CARMIL1: variants seen among roughly 807,000 people sequenced by gnomAD.
The protein encoded by CARMIL1 is capping protein regulator and myosin 1 linker 1, also known as F-actin-uncapping protein LRRC16A.
A neutral mutation model predicts 177.1 loss-of-function variants in CARMIL1; 90 were observed. The observed-to-expected ratio is 0.51, with a 90% CI of 0.43 to 0.61. The LOEUF (loss-of-function observed/expected upper bound fraction) is 0.61. CARMIL1 is among the 20% of genes least tolerant of loss of function. CARMIL1 has a pLI of 0.00. For synonymous variants in CARMIL1, 577 were observed against 606.2 expected (o/e 0.95, Z 0.71); for missense variants, 1,380 against 1,667.0 (o/e 0.83, Z 3.00).
chr6:25,603,708 C>T (rs1343022770), intron 33 of CARMIL1, among the ~76,000 whole-genome samples: 1 of 152,170 alleles, frequency 6.6e-6, no homozygotes, highest in African/African-American at 2.4e-5. Flanking sequence ...GCTTGTTAGA[C>T]AGGCAGTAGA....
At position 25,581,435 on chromosome 6, in the gene CARMIL1, C is replaced by T; in HGVS notation, c.3002C>T (p.Ala1001Val). 6.2e-7 allele frequency: 1 copy of T among 1,609,258 alleles called. No homozygotes were observed. The highest frequency in any genetic ancestry group is 8.5e-7 in the Non-Finnish European group (1 of 1,177,474). Residue 1001 changes from alanine to valine, a missense_variant, in exon 31 of 37, where the codon GCA (alanine) becomes GTA (valine). Ala to Val is a moderately conservative substitution (Grantham distance 64). Transcript: ENST00000329474. Reference sequence around the variant, plus strand: ...AATAAGAAGCAGCAACCCACCCAAGCAGCGGTAGGTGGACTGCAGGAGAGG... The same window carrying T: ...AATAAGAAGCAGCAACCCACCCAAGTAGCGGTAGGTGGACTGCAGGAGAGG... The part of the protein sequence containing the change: ...KRNKKQQPTQ[A>V]AVCAANIVSQ...
chr6:25,476,144 G>A (rs182487957), intron 11 of CARMIL1, among the ~76,000 whole-genome samples: 4 of 152,224 alleles, frequency 2.6e-5, no homozygotes, highest in East Asian at 3.9e-4. Flanking sequence ...TGAAAATTAC[G>A]GTGAAGTTTG....
intron 2 of CARMIL1, among the ~76,000 whole-genome samples, chr6:25,333,534 C>G (rs954136752): frequency 1.3e-5 from 2 of 152,194 alleles, no homozygotes; most frequent in Non-Finnish European, 2.9e-5. Flanking sequence ...CCACTGCGCT[C>G]CAGCCTGAGT....
At chr6:25,580,502 C>T (rs1387846208) in intron 29 of CARMIL1, among the ~76,000 whole-genome samples, 3 of 152,210 alleles carry the variant, frequency 2.0e-5, no homozygotes, top group African/African-American at 7.2e-5. Flanking sequence ...AGTGCAACTA[C>T]TTAAGTCATT....
At chr6:25,497,918 G>T (rs1367814122) in intron 16 of CARMIL1, among the ~76,000 whole-genome samples, 1 of 151,996 alleles carries the variant, frequency 6.6e-6, no homozygotes, top group Non-Finnish European at 1.5e-5. Flanking sequence ...GCCTTTTTTG[G>T]TCCATGTTAA....
intron 12 of CARMIL1, among the ~76,000 whole-genome samples, chr6:25,487,296 A>G (rs1231822172): frequency 2.0e-5 from 3 of 152,150 alleles, no homozygotes; most frequent in Non-Finnish European, 4.4e-5. Flanking sequence ...TCCTGCTGCT[A>G]TGACCAGAAC....
chr6:25,564,958 A>G (rs749992749), intron 29 of CARMIL1, among the ~76,000 whole-genome samples: 4 of 152,162 alleles, frequency 2.6e-5, no homozygotes, highest in Non-Finnish European at 4.4e-5. Context: ...TTGTTAAGGA[A>G]GGCTTCCTGG....
At chr6:25,569,077 G>A in intron 29 of CARMIL1, among the ~76,000 whole-genome samples, 1 of 152,154 alleles carries the variant, frequency 6.6e-6, no homozygotes, top group East Asian at 1.9e-4. Context: ...AAGATTAAAA[G>A]CAGCAAATAA....
At chr6:25,354,431 G>T (rs907037498) in intron 2 of CARMIL1, among the ~76,000 whole-genome samples, 2 of 135,278 alleles carry the variant, frequency 1.5e-5, no homozygotes, top group African/African-American at 5.6e-5. Context: ...CTCCCTCCTT[G>T]GCTTCCCAAA....
chr6:25,483,995 C>T (rs1371578953), intron 12 of CARMIL1, among the ~76,000 whole-genome samples: 5 of 152,060 alleles, frequency 3.3e-5, no homozygotes, highest in South Asian at 2.1e-4. Flanking sequence ...TGAGCTCAAG[C>T]GATCTGCCTG....
At chr6:25,352,129 T>C (rs895104476) in intron 2 of CARMIL1, among the ~76,000 whole-genome samples, 2 of 146,220 alleles carry the variant, frequency 1.4e-5, no homozygotes, top group African/African-American at 2.6e-5. Context: ...CTCACAGAAG[T>C]TGAAAACATG....
intron 11 of CARMIL1, among the ~76,000 whole-genome samples, chr6:25,479,599 T>G (rs1249886081): frequency 1.3e-5 from 2 of 152,214 alleles, no homozygotes; most frequent in East Asian, 3.8e-4. Flanking sequence ...GTTAGTATTT[T>G]TAAAGAACCA....
At position 25,600,265 on chromosome 6, in the gene CARMIL1, A is replaced by G. The variant is rs777143289; in HGVS notation, c.3120-49A>G. The stretch of plus-strand genomic sequence containing the variant: ...TATATTTTGACTGATTCTTGCTGGA[A>G]CTTATTTACAGTAAAAACAACAGAT... On this transcript the variant is annotated intron_variant, in intron 32 of 36. Transcript: ENST00000329474. 8 of 1,498,250 alleles carry G rather than the reference A, an allele frequency of 5.3e-6. No homozygotes were observed. In the South Asian group the frequency reaches 1.0e-4, roughly 19 times the overall value. The allele number at this position is 1,498,250 out of a possible 1,614,324, so 92.8% of individuals were successfully genotyped here.
At chr6:25,322,257 G>C (rs893070346) in intron 2 of CARMIL1, among the ~76,000 whole-genome samples, 1 of 152,072 alleles carries the variant, frequency 6.6e-6, no homozygotes, top group African/African-American at 2.4e-5. Context: ...TGATTAGCTG[G>C]GATTACAGGC....
In CARMIL1 at chr6:25,509,129, G is replaced by T. The variant is rs199583333; in HGVS notation, c.1396-527G>T. Among the ~76,000 whole-genome samples, 1 of 94,624 alleles carries T rather than the reference G, an allele frequency of 1.1e-5. No homozygotes were observed. The highest frequency in any genetic ancestry group is 3.2e-5 in the African/African-American group (1 of 30,924). The allele number at this position is 94,624 out of a possible 152,430, so 62.1% of individuals were successfully genotyped here. On this transcript the variant is annotated intron_variant, in intron 17 of 36. Coordinates refer to ENST00000329474, the MANE Select transcript of CARMIL1 (RefSeq NM_017640.6). This position sits in a 1 kb window ranked among gnomAD's most constrained non-coding sequence, Gnocchi z 4.1. ...ATCATTTTGCAGTCATCTTTAGTTA[G>T]CTAATATCTGCCTTATGAGTGAGAA...
intron 31 of CARMIL1, among the ~76,000 whole-genome samples, chr6:25,582,048 C>G (rs1207874413): frequency 6.6e-6 from 1 of 152,194 alleles, no homozygotes; most frequent in East Asian, 1.9e-4. Context: ...TCCTTTATAG[C>G]TAAACTTCTT....
At chr6:25,290,996 T>A (rs987196672) in intron 2 of CARMIL1, among the ~76,000 whole-genome samples, 2 of 152,132 alleles carry the variant, frequency 1.3e-5, no homozygotes, top group Admixed American at 6.5e-5. Context: ...TAATTTTTTT[T>A]AGAGACAGTC....
intron 2 of CARMIL1, among the ~76,000 whole-genome samples, chr6:25,348,801 TA>T (rs1427541269): frequency 3.3e-5 from 5 of 151,898 alleles, no homozygotes; most frequent in African/African-American, 9.7e-5. Context: ...AAAATAAAAA[TA>T]AAAAAATGAA....
intron 2 of CARMIL1, among the ~76,000 whole-genome samples, chr6:25,417,954 G>A (rs1335060677): frequency 3.3e-5 from 5 of 152,024 alleles, no homozygotes; most frequent in African/African-American, 1.2e-4. Flanking sequence ...GCAACGCTTA[G>A]GGACAGCTTT....
Sources: gnomAD v4.1 joint callset for allele counts (sites outside exome capture counted in the v4.1 genomes callset) on GRCh38, gnomAD v4.1.1 for gene constraint, Gnocchi (gnomAD v3.1) non-coding constraint, MANE v1.5 for transcripts, NCBI Gene and HGNC (gene_info 2026-07-23, HGNC 2026-07-21) for gene names.